The following ITGB1 variants were observed in gnomAD, a reference collection of about 807,000 sequenced individuals.
ITGB1 encodes the protein integrin subunit beta 1, also known as integrin beta-1.
A neutral mutation model predicts 86.5 loss-of-function variants in ITGB1; 24 were observed. The ratio of observed to expected loss-of-function variants is 0.28; its 90% confidence interval spans 0.20 to 0.39. The LOEUF (loss-of-function observed/expected upper bound fraction) is 0.39. Among genes scored for constraint, ITGB1 ranks in the 10% least tolerant of loss-of-function variants. ITGB1 has a pLI of 1.00. For missense variants in ITGB1, 556 were observed against 946.9 expected (o/e 0.59, Z 5.42); for synonymous variants, 323 against 316.8 (o/e 1.02, Z -0.21).
chr10:32,917,887 G>A (rs1006472096), intron 11 of ITGB1, among the ~76,000 whole-genome samples: 8 of 152,016 alleles, frequency 5.3e-5, no homozygotes, highest in East Asian at 1.9e-4. Flanking sequence ...ATAAAGACAC[G>A]TGCACACGTA....
chr10:32,948,076 T>C (rs2095035546), intron 1 of ITGB1, among the ~76,000 whole-genome samples: 1 of 151,796 alleles, frequency 6.6e-6, no homozygotes, highest in Non-Finnish European at 1.5e-5. Context: ...AGACACAAGA[T>C]ATGAAAGAAA....
intron 1 of ITGB1, among the ~76,000 whole-genome samples, chr10:32,947,972 C>T (rs1012695380): frequency 3.3e-5 from 5 of 150,984 alleles, no homozygotes; most frequent in South Asian, 4.2e-4. Context: ...CGCTCAATAA[C>T]AACGTAATTG....
In ITGB1 at chr10:32,911,876, C is replaced by T; in HGVS notation, c.1708+10G>A. 6.2e-7 allele frequency: 1 copy of T among 1,600,762 alleles called. No individual in the cohort carries two copies. The highest frequency in any genetic ancestry group is 8.5e-7 in the Non-Finnish European group (1 of 1,171,720). On this transcript the variant is annotated intron_variant, in intron 12 of 15. Transcript: ENST00000302278. The stretch of plus-strand genomic sequence containing the variant: ...TCACATCTTACAACCACTTCAGGCC[C>T]TTTACTTACCTCCACAAATTAAGCC...
intron 3 of ITGB1, 107 bp downstream of exon 3, chr10:32,932,408 A>C (rs2094986392): frequency 1.4e-6 from 1 of 708,860 alleles, no homozygotes; most frequent in Non-Finnish European, 2.5e-6. Flanking sequence ...TAGGTTATTC[A>C]TTTTATGATT....
At chr10:32,914,987 A>C (rs2094927056) in intron 11 of ITGB1, among the ~76,000 whole-genome samples, 1 of 152,266 alleles carries the variant, frequency 6.6e-6, no homozygotes, top group African/African-American at 2.4e-5. Flanking sequence ...AGTGCAATCA[A>C]GCTAGAACTC....
At chr10:32,953,154 G>C (rs984587469) in intron 1 of ITGB1, among the ~76,000 whole-genome samples, 3 of 152,082 alleles carry the variant, frequency 2.0e-5, no homozygotes, top group Non-Finnish European at 4.4e-5. Context: ...TCCAAGCTCA[G>C]GCCTCATCTC....
intron 1 of ITGB1, among the ~76,000 whole-genome samples, chr10:32,956,968 C>G (rs138997854): frequency 6.6e-6 from 1 of 152,168 alleles, no homozygotes; most frequent in Non-Finnish European, 1.5e-5. Context: ...GAACTAGACC[C>G]CATGCCTTCT....
intron 1 of ITGB1, among the ~76,000 whole-genome samples, chr10:32,946,865 T>TA (rs2095032542): frequency 6.6e-6 from 1 of 151,560 alleles, no homozygotes; most frequent in African/African-American, 2.4e-5. Flanking sequence ...TTTTTTTTTT[T>TA]AGACAGTTTC....
In ITGB1 at chr10:32,910,094, G is replaced by A. The variant is rs138375173; in HGVS notation, c.2164+129C>T. The A allele has an allele frequency of 2.3e-3, 1,505 of 644,130 alleles. 18 individuals are homozygous for A. The African/African-American group carries it at 0.025, about 11-fold the overall frequency. The allele number at this position is 644,130 out of a possible 1,614,324, so 39.9% of individuals were successfully genotyped here. A position where few individuals can be genotyped will look rare whatever the true frequency, so the allele number is the denominator to read the frequency against. ...AATTAGATAATATTTTAAGCTTTGAGAGATGAAAAATTTCCCAACTTGACC... is the reference window on the plus strand; with the variant it reads ...AATTAGATAATATTTTAAGCTTTGAAAGATGAAAAATTTCCCAACTTGACC... On this transcript the variant is annotated intron_variant, in intron 14 of 15. Coordinates refer to ENST00000302278, the MANE Select transcript of ITGB1 (RefSeq NM_002211.4).
At chr10:32,930,150 C>G in intron 3 of ITGB1, 106 bp from the exon 4 acceptor site, 2 of 645,058 alleles carry the variant, frequency 3.1e-6, no homozygotes, top group Non-Finnish European at 5.5e-6. Flanking sequence ...CAAATCACAT[C>G]TAATGTACCC....
chr10:32,937,265 A>G (rs1288538379), intron 1 of ITGB1, among the ~76,000 whole-genome samples: 1 of 152,252 alleles, frequency 6.6e-6, no homozygotes, highest in Non-Finnish European at 1.5e-5. Flanking sequence ...AGCAACATTT[A>G]GAGTTATAGA....
At chr10:32,919,518 A>G (rs1186538414) in intron 11 of ITGB1, among the ~76,000 whole-genome samples, 3 of 152,222 alleles carry the variant, frequency 2.0e-5, no homozygotes, top group African/African-American at 7.2e-5. Flanking sequence ...AATCGCCATC[A>G]TCGGTTTGAT....
At chr10:32,906,409 G>A (rs1481117644) in intron 15 of ITGB1, 1 of 183,806 alleles carries the variant, frequency 5.4e-6, no homozygotes, top group Non-Finnish European at 1.2e-5. Context: ...AGCCAATGTG[G>A]TGAAACCCCA....
intron 1 of ITGB1, among the ~76,000 whole-genome samples, chr10:32,954,024 G>T (rs1037371117): frequency 1.3e-5 from 2 of 151,924 alleles, no homozygotes; most frequent in African/African-American, 2.4e-5. Context: ...GTGTTCCCAG[G>T]TCCTCCTTCA....
intron 1 of ITGB1, chr10:32,944,882 G>GA (rs1179622242): frequency 3.3e-5 from 44 of 1,338,072 alleles, no homozygotes; most frequent in Non-Finnish European, 4.4e-5. Flanking sequence ...TGATAAACCA[G>GA]AGACGGTTAT....
At chr10:32,911,326 A>G in intron 13 of ITGB1, 122 bp downstream of exon 13, 1 of 789,932 alleles carries the variant, frequency 1.3e-6, no homozygotes, top group Non-Finnish European at 2.1e-6. Context: ...AGGCTTCCAC[A>G]TGGCAGGCAT....
intron 1 of ITGB1, among the ~76,000 whole-genome samples, chr10:32,950,530 G>T (rs2095040575): frequency 6.6e-6 from 1 of 151,940 alleles, no homozygotes; most frequent in South Asian, 2.1e-4. Flanking sequence ...TAGCATTAAT[G>T]ATTAACAAAA....
rs16933826 is a variant in ITGB1 at position 32,953,106 on chromosome 10, G to T, written c.-1+5039C>A. Among the ~76,000 whole-genome samples, 383 of 152,312 alleles carry T rather than the reference G, an allele frequency of 2.5e-3. 9 individuals carry two copies. The East Asian group carries it at 0.061, about 24-fold the overall frequency. The stretch of plus-strand genomic sequence containing the variant: ...GATTCTTCCCATGCTGTCCTTGAAT[G>T]TGACAACCATCTGTCATCCAACCTT... On this transcript the variant is annotated intron_variant, in intron 1 of 15. Transcript: ENST00000302278.
intron 4 of ITGB1, among the ~76,000 whole-genome samples, chr10:32,928,880 A>G (rs1169754405): frequency 6.6e-6 from 1 of 152,040 alleles, no homozygotes; most frequent in Admixed American, 6.6e-5. Flanking sequence ...TAATTTACTT[A>G]GGAAATACAG....
Sources: gnomAD v4.1 joint callset for allele counts (sites outside exome capture counted in the v4.1 genomes callset) on GRCh38, gnomAD v4.1.1 for gene constraint, MANE v1.5 for transcripts, NCBI Gene and HGNC (gene_info 2026-07-23, HGNC 2026-07-21) for gene names.